Variants in FHIT observed in about 807,000 individuals in gnomAD.
FHIT encodes the protein fragile histidine triad diadenosine triphosphatase, also known as bis(5'-adenosyl)-triphosphatase.
In FHIT, 19 loss-of-function variants were observed where a neutral mutation model predicts 17.9. That is an observed-to-expected ratio of 1.06 (90% CI 0.74 to 1.56). The LOEUF (loss-of-function observed/expected upper bound fraction) is 1.56, where lower values mean the gene tolerates loss of function less well. Ranked by LOEUF, FHIT falls within the 40% of genes most tolerant of loss-of-function variation. FHIT has a pLI of 0.00. For missense variants in FHIT, 248 were observed against 189.2 expected, an observed-to-expected ratio of 1.31 and a Z score of -1.82; for synonymous variants, 81 against 69.7, an observed-to-expected ratio of 1.16 and a Z score of -0.81.
intron 7 of FHIT, among the ~76,000 whole-genome samples, chr3:60,005,706 C>A (rs762179500): frequency 2.0e-5 from 3 of 152,162 alleles, no homozygotes; most frequent in African/African-American, 7.2e-5. Flanking sequence ...GAAATACATG[C>A]ATTAGGTATT....
intron 1 of FHIT, among the ~76,000 whole-genome samples, chr3:61,203,378 C>T (rs1459620533): frequency 6.6e-6 from 1 of 151,426 alleles, no homozygotes. Flanking sequence ...ATTATATGCC[C>T]ATGCTAAACC....
At chr3:59,847,275 CT>C (rs957410330) in intron 8 of FHIT, among the ~76,000 whole-genome samples, 23 of 151,556 alleles carry the variant, frequency 1.5e-4, no homozygotes, top group African/African-American at 5.1e-4. Context: ...CTTTCTTCAA[CT>C]TTTTTTTTCT....
intron 5 of FHIT, among the ~76,000 whole-genome samples, chr3:60,466,727 A>G (rs1037872666): frequency 3.3e-5 from 5 of 151,842 alleles, no homozygotes; most frequent in African/African-American, 1.2e-4. Flanking sequence ...CCGCTTGGTC[A>G]TGATAAATGC....
chr3:60,752,430 G>C (rs2042486016), intron 4 of FHIT, among the ~76,000 whole-genome samples: 1 of 152,210 alleles, frequency 6.6e-6, no homozygotes, highest in Admixed American at 6.5e-5. Context: ...CTGTGCAGCA[G>C]CAGGGCCATG....
intron 8 of FHIT, among the ~76,000 whole-genome samples, chr3:59,910,948 G>A (rs1704841803): frequency 6.6e-6 from 1 of 152,140 alleles, no homozygotes; most frequent in African/African-American, 2.4e-5. Context: ...AGAAAAATTA[G>A]AATTCATTCC....
At chr3:60,076,845 C>CA (rs1218052083) in intron 5 of FHIT, among the ~76,000 whole-genome samples, 21 of 148,942 alleles carry the variant, frequency 1.4e-4, no homozygotes, top group African/African-American at 4.2e-4. Flanking sequence ...AAGGCAAGCA[C>CA]AAAAAATAAA....
chr3:60,002,386 C>T (rs1472539448), intron 7 of FHIT, among the ~76,000 whole-genome samples: 1 of 152,096 alleles, frequency 6.6e-6, no homozygotes, highest in Admixed American at 6.6e-5. Flanking sequence ...ATATATGTCT[C>T]AACTTCCCTG....
At chr3:60,343,603 C>T (rs771741832) in intron 5 of FHIT, among the ~76,000 whole-genome samples, 1 of 152,104 alleles carries the variant, frequency 6.6e-6, no homozygotes, top group Non-Finnish European at 1.5e-5. Flanking sequence ...TACGCTTTGC[C>T]ATCATGCCCT....
chr3:61,191,923 T>C (rs1303037518), intron 2 of FHIT, among the ~76,000 whole-genome samples: 3 of 152,120 alleles, frequency 2.0e-5, no homozygotes, highest in Non-Finnish European at 2.9e-5. Context: ...CGTGCCAGTG[T>C]CTGATTTAGG....
intron 8 of FHIT, among the ~76,000 whole-genome samples, chr3:59,775,951 G>T (rs1559595228): frequency 6.6e-6 from 1 of 152,186 alleles, no homozygotes; most frequent in African/African-American, 2.4e-5. Context: ...CCCCATTAAA[G>T]CCTTTTTTGA....
At chr3:60,405,295 G>C (rs930423299) in intron 5 of FHIT, among the ~76,000 whole-genome samples, 1 of 152,144 alleles carries the variant, frequency 6.6e-6, no homozygotes, top group East Asian at 1.9e-4. Flanking sequence ...GCCCACCTTT[G>C]AGTGGTGTCT....
intron 8 of FHIT, among the ~76,000 whole-genome samples, chr3:59,786,269 C>T (rs1475098415): frequency 6.6e-6 from 1 of 152,170 alleles, no homozygotes; most frequent in Non-Finnish European, 1.5e-5. Flanking sequence ...CTTCCATCTC[C>T]CTCACCACTT....
At chr3:60,926,714 C>T (rs1473168253) in intron 3 of FHIT, among the ~76,000 whole-genome samples, 36 of 152,248 alleles carry the variant, frequency 2.4e-4, no homozygotes, top group Admixed American at 2.2e-3. Context: ...CAGAGCAGAA[C>T]TGAAGGAGAT....
chr3:60,045,087 A>T (rs1559578642), intron 5 of FHIT, among the ~76,000 whole-genome samples: 1 of 152,196 alleles, frequency 6.6e-6, no homozygotes, highest in Non-Finnish European at 1.5e-5. Context: ...TTGTTGCTTA[A>T]TGGGTATACA....
At chr3:60,083,582 C>A (rs1302557144) in intron 5 of FHIT, among the ~76,000 whole-genome samples, 1 of 152,116 alleles carries the variant, frequency 6.6e-6, no homozygotes, top group Non-Finnish European at 1.5e-5. Context: ...AATCCATGAG[C>A]ATACTGTGCG....
intron 5 of FHIT, among the ~76,000 whole-genome samples, chr3:60,364,598 C>A (rs752768490): frequency 1.1e-4 from 16 of 152,198 alleles, no homozygotes; most frequent in Non-Finnish European, 1.8e-4. Flanking sequence ...TTCCATTGAG[C>A]AACACAGAAG....
At chr3:60,863,636 T>A (rs1466238690) in intron 3 of FHIT, among the ~76,000 whole-genome samples, 3 of 152,226 alleles carry the variant, frequency 2.0e-5, no homozygotes, top group African/African-American at 7.2e-5. Context: ...GTTAAAAATA[T>A]GCATACAGTG....
At chr3:60,628,249 G>A (rs1553681536) in intron 4 of FHIT, among the ~76,000 whole-genome samples, 1 of 152,070 alleles carries the variant, frequency 6.6e-6, no homozygotes, top group East Asian at 1.9e-4. Context: ...CTGTGTATTT[G>A]CAAGTTTCCA....
At chr3:60,998,469 T>C (rs887457774) in intron 3 of FHIT, among the ~76,000 whole-genome samples, 3 of 152,190 alleles carry the variant, frequency 2.0e-5, no homozygotes, top group Non-Finnish European at 4.4e-5. Context: ...CATCAGCAAG[T>C]AACTTCTATG....
Sources: gnomAD v4.1 joint callset for allele counts (sites outside exome capture counted in the v4.1 genomes callset) on GRCh38, gnomAD v4.1.1 for gene constraint, MANE v1.5 for transcripts, NCBI Gene and HGNC (gene_info 2026-07-23, HGNC 2026-07-21) for gene names.